GBGT1: variants seen among roughly 807,000 people sequenced by gnomAD.
GBGT1 encodes the protein globoside alpha-1,3-N-acetylgalactosaminyltransferase 1 (FORS blood group), also known as globoside alpha-1,3-N-acetylgalactosaminyltransferase 1.
GBGT1 carries 18 observed loss-of-function variants against 20.9 expected under a neutral mutation model. That is an observed-to-expected ratio of 0.86 (90% confidence interval 0.60 to 1.28). The LOEUF (loss-of-function observed/expected upper bound fraction) is 1.28, where lower values mean the gene tolerates loss of function less well. Among genes scored for constraint, GBGT1 ranks in the 50% most tolerant of loss-of-function variants. GBGT1 has a pLI of 0.00. For missense variants in GBGT1, 432 were observed against 455.7 expected (o/e 0.95, Z 0.47); for synonymous variants, 168 against 180.8 (o/e 0.93, Z 0.57).
At position 133,155,877 on chromosome 9, in the gene GBGT1, A is replaced by T. The variant is rs193135740; in HGVS notation, c.224+24T>A. 148 of 1,613,194 alleles carry T rather than the reference A, an allele frequency of 9.2e-5. 1 individual carries two copies. In the East Asian group the frequency reaches 2.6e-3, roughly 28 times the overall value. ...TCTTTTGTCCTTTTCCCCCGCCCCCATCAGGCCTCTCCATGACACCTACCT... is the reference window on the plus strand; with the variant it reads ...TCTTTTGTCCTTTTCCCCCGCCCCCTTCAGGCCTCTCCATGACACCTACCT... On this transcript the variant is annotated intron_variant, in intron 5 of 6. Transcript: ENST00000372040.
At chr9:133,161,887 C>T (rs1184734739) in intron 2 of GBGT1, among the ~76,000 whole-genome samples, 1 of 152,136 alleles carries the variant, frequency 6.6e-6, no homozygotes, top group Admixed American at 6.5e-5. Context: ...CGGGGATTCC[C>T]CATCAACATT....
At chr9:133,159,806 C>T (rs145489584) in intron 3 of GBGT1, among the ~76,000 whole-genome samples, 40 of 151,400 alleles carry the variant, frequency 2.6e-4, no homozygotes, top group African/African-American at 8.0e-4. Context: ...CCCTCCGCCA[C>T]GCACACACAC....
intron 3 of GBGT1, among the ~76,000 whole-genome samples, chr9:133,158,191 G>A (rs192240091): frequency 9.2e-5 from 14 of 152,230 alleles, no homozygotes; most frequent in East Asian, 3.9e-4. Flanking sequence ...CAAAAGGCCC[G>A]AGGCCGACTG....
chr9:133,157,100 A>G (rs1832893189), intron 3 of GBGT1, among the ~76,000 whole-genome samples: 1 of 152,118 alleles, frequency 6.6e-6, no homozygotes, highest in South Asian at 2.1e-4. Context: ...CCTGGGCAAC[A>G]TGGCAAGACC....
Position 133,162,368 on chromosome 9 carries a change from C to T in GBGT1, c.45G>A (p.Leu15=). 6.2e-7 allele frequency: 1 copy of T among 1,611,096 alleles called. No individual in the cohort carries two copies. The highest frequency in any genetic ancestry group is 2.2e-5 in the East Asian group (1 of 44,748). ...RLALGLGFCL[L]AGTSLSVLWV... ...ACAGGACACTGAGGCTTGTGCCCGC[C>T]AACAGGCAGAACCCCAGACCCAGGG... Residue 15 remains leucine, a synonymous_variant, in exon 2 of 7, where the codon TTG becomes TTA. Coordinates refer to ENST00000372040, the MANE Select transcript of GBGT1 (RefSeq NM_021996.6).
intron 3 of GBGT1, among the ~76,000 whole-genome samples, chr9:133,159,255 C>T (rs1832963906): frequency 6.6e-6 from 1 of 152,226 alleles, no homozygotes; most frequent in South Asian, 2.1e-4. Context: ...GCCGCTACAC[C>T]CAGCCAAGTT....
At position 133,153,846 on chromosome 9, in the gene GBGT1, A is replaced by G; in HGVS notation, c.775T>C (p.Tyr259His). 6.3e-7 allele frequency: 1 copy of G among 1,597,510 alleles called. No homozygotes were observed. The highest frequency in any genetic ancestry group is 1.1e-5 in the South Asian group (1 of 89,434). Residue 259 changes from tyrosine (Y) to histidine (H), a missense_variant, in exon 7 of 7, where the codon TAT becomes CAT. Coordinates refer to ENST00000372040, the MANE Select transcript of GBGT1 (RefSeq NM_021996.6). ...AFVADSEGDF[Y>H]YGGAVFGGQV... is the part of the protein sequence containing the mutation. ...CCCCCGAAGACTGCCCCACCATAAT[A>G]GAAGTCCCCTTCGCTGTCTGCCACA...
rs1832939355 is a variant in GBGT1, at chr9:133,158,432, C to G, written c.138-2367G>C. ...GAGCTGAGACCACAGGTGCCCACCA[C>G]CACACCCAGCTGTTTTTGTATTAAT... On this transcript the variant is annotated intron_variant, in intron 3 of 6. Coordinates refer to ENST00000372040, the MANE Select transcript of GBGT1 (RefSeq NM_021996.6). Among the ~76,000 whole-genome samples, 9 of 152,162 alleles carry G rather than the reference C, an allele frequency of 5.9e-5. No homozygotes were observed. In the South Asian group the frequency reaches 1.9e-3, roughly 32 times the overall value.
intron 1 of GBGT1, 33 bp from the exon 2 acceptor site, chr9:133,162,565 G>C: frequency 1.5e-6 from 1 of 661,682 alleles, no homozygotes; most frequent in South Asian, 1.8e-5. Flanking sequence ...TTTTGAGATA[G>C]AGTTTCACTC....
chr9:133,159,301 C>A (rs1285277841), intron 3 of GBGT1, among the ~76,000 whole-genome samples: 1 of 152,154 alleles, frequency 6.6e-6, no homozygotes, highest in Non-Finnish European at 1.5e-5. Flanking sequence ...AAAGTCAGTT[C>A]GTCAAATTGG....
At position 133,154,110 on chromosome 9, in the gene GBGT1, G is replaced by A; in HGVS notation, c.511C>T (p.Gln171Ter). The stretch of plus-strand genomic sequence containing the variant: ...GTCTCCTCCCAGTGGGAGTGACCCT[G>A]GATGGGGATGGAGCTGAGAAGCCGG... Reference protein sequence around the residue: ...PHRLLSSIPIQGHSHWEETSM... With the variant: ...PHRLLSSIPI The change falls in exon 7 of 7, where the codon CAG becomes TAG. Residue 171 changes from glutamine to a stop codon, truncating the protein, a stop_gained. Coordinates refer to ENST00000372040, the MANE Select transcript of GBGT1 (RefSeq NM_021996.6). LOFTEE classifies it low-confidence loss of function (END_TRUNC). This position sits in a 1 kb window ranked among gnomAD's most constrained non-coding sequence, Gnocchi z 4.2. The A allele has an allele frequency of 1.2e-6, 2 of 1,611,832 alleles. No individual in the cohort carries two copies. The highest frequency in any genetic ancestry group is 1.7e-6 in the Non-Finnish European group (2 of 1,178,746).
chr9:133,157,935 G>T (rs555187968), intron 3 of GBGT1, among the ~76,000 whole-genome samples: 4 of 152,114 alleles, frequency 2.6e-5, no homozygotes, highest in Non-Finnish European at 5.9e-5. Flanking sequence ...TCACAAGGTC[G>T]AGAGATCGAG....
chr9:133,157,675 G>A (rs1403704184), intron 3 of GBGT1, among the ~76,000 whole-genome samples: 1 of 152,264 alleles, frequency 6.6e-6, no homozygotes, highest in Non-Finnish European at 1.5e-5. Flanking sequence ...GTCCATGAAG[G>A]AGGTGCCAGG....
chr9:133,154,265 G>C lies in GBGT1; in HGVS notation c.360-4C>G. On this transcript the variant is annotated splice_region_variant and splice_polypyrimidine_tract_variant and intron_variant, in intron 6 of 6. Coordinates refer to ENST00000372040, the MANE Select transcript of GBGT1 (RefSeq NM_021996.6). The surrounding 1 kb of genome is among the most constrained non-coding windows in gnomAD (Gnocchi z 4.2). ...GGACTGGATGAAATGAGTGTACCTA[G>C]TGATGATCACCCGGTCACCCACTGC... The C allele has an allele frequency of 6.6e-7, 1 of 1,505,304 alleles. No homozygotes were observed. The highest frequency in any genetic ancestry group is 8.9e-7 in the Non-Finnish European group (1 of 1,121,092). The allele number at this position is 1,505,304 out of a possible 1,614,324, so 93.2% of individuals were successfully genotyped here.
In GBGT1 at chr9:133,154,678, AG is replaced by A. The variant is rs538840730; in HGVS notation, c.360-418del. On this transcript the variant is annotated intron_variant, in intron 6 of 6. Coordinates refer to ENST00000372040, the MANE Select transcript of GBGT1 (RefSeq NM_021996.6). The surrounding 1 kb of genome is among the most constrained non-coding windows in gnomAD (Gnocchi z 4.2). ...GTTGAGCTAGATGCTGGGGGCATGG[AG>A]GGGGGTGTGGTTGACACAGCCCTGC... The A allele has an allele frequency of 2.3e-5, 4 of 177,058 alleles. No homozygotes were observed. Among genetic ancestry groups the A allele is most frequent in the Admixed American group, 5.7e-5 (1 of 17,540 alleles). The allele number at this position is 177,058 out of a possible 1,614,324, so 11.0% of individuals were successfully genotyped here. A position where few individuals can be genotyped will look rare whatever the true frequency, so the allele number is the denominator to read the frequency against.
Position 133,154,308 on chromosome 9 carries a change from AG to A in GBGT1, c.360-48del, listed in dbSNP as rs1832806234. ...CCCACTGCTACACCAGCAGCCTGCCAGGGTCCCCACTGTGTGCTGGGGTCAG... is the reference window on the plus strand; with the variant it reads ...CCCACTGCTACACCAGCAGCCTGCCAGGTCCCCACTGTGTGCTGGGGTCAG... On this transcript the variant is annotated intron_variant, in intron 6 of 6. Coordinates refer to ENST00000372040, the MANE Select transcript of GBGT1 (RefSeq NM_021996.6). This position sits in a 1 kb window ranked among gnomAD's most constrained non-coding sequence, Gnocchi z 4.2. 8 of 1,275,324 alleles carry A rather than the reference AG, an allele frequency of 6.3e-6. No individual in the cohort carries two copies. The highest frequency in any genetic ancestry group is 6.5e-6 in the Non-Finnish European group (6 of 927,928). 79.0% of individuals were successfully genotyped at this position (1,275,324 alleles called of 1,614,324 possible). A position where few individuals can be genotyped will look rare whatever the true frequency, so the allele number is the denominator to read the frequency against.
intron 3 of GBGT1, among the ~76,000 whole-genome samples, chr9:133,160,455 G>A (rs577236014): frequency 6.6e-6 from 1 of 152,258 alleles, no homozygotes; most frequent in African/African-American, 2.4e-5. Context: ...CTTGGGCAGG[G>A]CACATGAATG....
At chr9:133,157,727 C>T (rs1832913791) in intron 3 of GBGT1, among the ~76,000 whole-genome samples, 1 of 152,252 alleles carries the variant, frequency 6.6e-6, no homozygotes, top group African/African-American at 2.4e-5. Context: ...GGCTCTGCCA[C>T]TAACTGGCCC....
At chr9:133,157,289 A>G (rs1404180391) in intron 3 of GBGT1, among the ~76,000 whole-genome samples, 2 of 118,298 alleles carry the variant, frequency 1.7e-5, no homozygotes, top group South Asian at 2.3e-4. Context: ...CCCTGTCTCA[A>G]AAAAAAAAAA....
Sources: gnomAD v4.1 joint callset for allele counts (sites outside exome capture counted in the v4.1 genomes callset) on GRCh38, gnomAD v4.1.1 for gene constraint, Gnocchi (gnomAD v3.1) non-coding constraint, MANE v1.5 for transcripts, NCBI Gene and HGNC (gene_info 2026-07-23, HGNC 2026-07-21) for gene names.